NME7: variants seen among roughly 807,000 people sequenced by gnomAD.
NME7 encodes the protein NME/NM23 family member 7.
In NME7, 41 loss-of-function variants were observed where a neutral mutation model predicts 49.1. The observed-to-expected ratio is 0.83, with a 90% CI of 0.65 to 1.08. NME7 has a LOEUF of 1.08. NME7 is among the 50% of genes least tolerant of loss of function. NME7 has a pLI of 0.00. For missense variants in NME7, 423 were observed against 463.4 expected, an observed-to-expected ratio of 0.91 and a Z score of 0.80; for synonymous variants, 139 against 150.6, an observed-to-expected ratio of 0.92 and a Z score of 0.56.
chr1:169,233,254 G>A (rs1174268858), intron 9 of NME7, among the ~76,000 whole-genome samples: 2 of 152,108 alleles, frequency 1.3e-5, no homozygotes, highest in African/African-American at 2.4e-5. Context: ...ATATAAAGCT[G>A]TATAATGAAA....
intron 11 of NME7, chr1:169,168,887 C>T: frequency 2.2e-6 from 1 of 456,286 alleles, no homozygotes; most frequent in African/African-American, 2.0e-5. Flanking sequence ...CACAAATCTC[C>T]AAACTTTCTA....
At chr1:169,329,948 G>A (rs1652194323) in intron 1 of NME7, among the ~76,000 whole-genome samples, 1 of 152,018 alleles carries the variant, frequency 6.6e-6, no homozygotes, top group African/African-American at 2.4e-5. Flanking sequence ...AGCAGCAAGA[G>A]TAAAGAAGCA....
chr1:169,178,795 AT>A (rs1415940245), intron 10 of NME7, among the ~76,000 whole-genome samples: 1 of 149,730 alleles, frequency 6.7e-6, no homozygotes. Context: ...CCTATAATCA[AT>A]TAGACTTCTA....
At chr1:169,360,809 T>A (rs1368339269) in intron 1 of NME7, among the ~76,000 whole-genome samples, 2 of 152,218 alleles carry the variant, frequency 1.3e-5, no homozygotes, top group African/African-American at 4.8e-5. Flanking sequence ...TTCCTCATAG[T>A]ACTTATCATC....
chr1:169,132,730 G>T lies in NME7; in HGVS notation c.*55C>A. The stretch of plus-strand genomic sequence containing the variant: ...AAAAGAATGAACACATTCCTCGTGT[G>T]TGATTCACTCTTGTCTAAATGTCCC... On this transcript the variant is annotated 3_prime_UTR_variant, in exon 12 of 12. Transcript: ENST00000367811. 6.6e-7 allele frequency: 1 copy of T among 1,509,668 alleles called. No homozygotes were observed. The highest frequency in any genetic ancestry group is 9.2e-7 in the Non-Finnish European group (1 of 1,088,898). 93.5% of individuals were successfully genotyped at this position (1,509,668 alleles called of 1,614,324 possible). A position where few individuals can be genotyped will look rare whatever the true frequency, so the allele number is the denominator to read the frequency against.
intron 7 of NME7, among the ~76,000 whole-genome samples, chr1:169,270,749 T>A (rs1405526699): frequency 7.5e-6 from 1 of 133,310 alleles, no homozygotes; most frequent in Non-Finnish European, 1.8e-5. Context: ...ATGCACTTAA[T>A]CCTTAGTTAC....
chr1:169,299,054 A>G (rs1367875966), intron 5 of NME7, among the ~76,000 whole-genome samples: 1 of 152,126 alleles, frequency 6.6e-6, no homozygotes, highest in African/African-American at 2.4e-5. Context: ...CATACTGTTG[A>G]CCTATGCTTT....
At chr1:169,359,010 G>A (rs1157134335) in intron 1 of NME7, among the ~76,000 whole-genome samples, 1 of 152,084 alleles carries the variant, frequency 6.6e-6, no homozygotes, top group Admixed American at 6.6e-5. Flanking sequence ...AAATGGATTG[G>A]TTAAATCAGA....
At chr1:169,218,712 AG>A (rs1293002882) in intron 10 of NME7, among the ~76,000 whole-genome samples, 2 of 139,920 alleles carry the variant, frequency 1.4e-5, no homozygotes, top group African/African-American at 2.7e-5. Context: ...CAATCAATGC[AG>A]CCTGCCAAAA....
rs1314484013 is a variant in NME7 at position 169,266,199 on chromosome 1, A to G, written c.754+21104T>C. 5.2e-5 allele frequency among the ~76,000 whole-genome samples: 7 copies of G among 133,340 alleles called. 2 individuals carry two copies. Among genetic ancestry groups the G allele is most frequent in the Non-Finnish European group, 1.2e-4 (7 of 56,716 alleles). The allele number at this position is 133,340 out of a possible 152,430, so 87.5% of individuals were successfully genotyped here. On this transcript the variant is annotated intron_variant, in intron 7 of 11. Coordinates refer to ENST00000367811, the MANE Select transcript of NME7 (RefSeq NM_013330.5). Reference sequence around the variant, plus strand: ...AGGCCAATGTCCTTGATGTACATCTATATAAAAATTTTCAACAAAATACTC... The same window carrying G: ...AGGCCAATGTCCTTGATGTACATCTGTATAAAAATTTTCAACAAAATACTC...
chr1:169,279,306 G>A (rs560740326), intron 7 of NME7, among the ~76,000 whole-genome samples: 3 of 152,354 alleles, frequency 2.0e-5, no homozygotes, highest in Admixed American at 2.0e-4. Flanking sequence ...GCCTACAGAG[G>A]CAGGCAGGCC....
intron 1 of NME7, among the ~76,000 whole-genome samples, chr1:169,344,121 C>A (rs1362164024): frequency 4.6e-5 from 7 of 152,126 alleles, no homozygotes. Context: ...ACAATTCTTT[C>A]AGTTATTCCT....
At chr1:169,347,165 G>A (rs568332953) in intron 1 of NME7, among the ~76,000 whole-genome samples, 15 of 152,238 alleles carry the variant, frequency 9.9e-5, no homozygotes, top group African/African-American at 2.2e-4. Flanking sequence ...ATACCCCTGC[G>A]CTCCAGCCTG....
In NME7 at chr1:169,169,484, A is replaced by C. The variant is rs765818981; in HGVS notation, c.1061T>G (p.Val354Gly). ...IFGKTKIQNA[V>G]HCTDLPEDGL... ...ATCCTCTGGCAGATCAGTACAGTGA[A>C]CAGCATTCTGGATCTTAGTTTTACC... The change falls in exon 11 of 12, where the codon GTT (valine) becomes GGT (glycine). Residue 354 changes from valine (V) to glycine (G), a missense_variant. Physicochemically the swap from Val to Gly is moderately radical, Grantham distance 109. Transcript: ENST00000367811. The C allele has an allele frequency of 6.2e-7, 1 of 1,614,086 alleles. No individual in the cohort carries two copies. Among genetic ancestry groups the C allele is most frequent in the Admixed American group, 1.7e-5 (1 of 60,034 alleles).
chr1:169,314,960 G>A (rs1651558704), intron 3 of NME7, among the ~76,000 whole-genome samples: 1 of 152,018 alleles, frequency 6.6e-6, no homozygotes, highest in Non-Finnish European at 1.5e-5. Context: ...GATGAAGATG[G>A]TCTCTTCATA....
At chr1:169,349,413 G>A (rs1233011761) in intron 1 of NME7, among the ~76,000 whole-genome samples, 2 of 152,084 alleles carry the variant, frequency 1.3e-5, no homozygotes, top group Non-Finnish European at 2.9e-5. Flanking sequence ...TAAATTTATT[G>A]ATGAAATTAT....
In NME7 at chr1:169,274,600, G is replaced by A. The variant is rs1246433969; in HGVS notation, c.754+12703C>T. 6.0e-5 allele frequency among the ~76,000 whole-genome samples: 8 copies of A among 133,620 alleles called. 2 individuals are homozygous for A. Among genetic ancestry groups the A allele is most frequent in the Middle Eastern group, 3.8e-3 (1 of 264 alleles). 87.7% of individuals were successfully genotyped at this position (133,620 alleles called of 152,430 possible). A position where few individuals can be genotyped will look rare whatever the true frequency, so the allele number is the denominator to read the frequency against. On this transcript the variant is annotated intron_variant, in intron 7 of 11. Transcript: ENST00000367811. ...TCTTCTAGGGTTTTTATGGTTTTAG[G>A]TCTAACGTTTAAGTCTTTAATCCAT...
chr1:169,268,076 T>TA (rs766797882), intron 7 of NME7, among the ~76,000 whole-genome samples: 2 of 132,882 alleles, frequency 1.5e-5, no homozygotes, highest in African/African-American at 2.5e-5. Flanking sequence ...ATGAGGAACT[T>TA]AAACAAATTT....
At chr1:169,287,526 T>C in intron 6 of NME7, 118 bp from the exon 7 acceptor site, 1 of 756,962 alleles carries the variant, frequency 1.3e-6, no homozygotes, top group Non-Finnish European at 2.1e-6. Context: ...TATAAATTTT[T>C]TGTTTCAGAT....
Sources: gnomAD v4.1 joint callset for allele counts (sites outside exome capture counted in the v4.1 genomes callset) on GRCh38, gnomAD v4.1.1 for gene constraint, MANE v1.5 for transcripts, NCBI Gene and HGNC (gene_info 2026-07-23, HGNC 2026-07-21) for gene names.